Variants in ZNF585B observed in about 807,000 individuals in gnomAD.
The protein encoded by ZNF585B is zinc finger protein 585B.
A neutral mutation model predicts 14.0 loss-of-function variants in ZNF585B; 7 were observed. The ratio of observed to expected loss-of-function variants is 0.50; its 90% CI spans 0.28 to 0.94. ZNF585B has a LOEUF of 0.94. ZNF585B is among the 40% of genes least tolerant of loss of function. The pLI is 0.09. For synonymous variants in ZNF585B, 290 were observed against 317.3 expected (o/e 0.91, Z 0.91); for missense variants, 750 against 924.4 (o/e 0.81, Z 2.45).
intron 4 of ZNF585B, among the ~76,000 whole-genome samples, chr19:37,188,409 C>T (rs942061550): frequency 2.6e-5 from 4 of 152,164 alleles, no homozygotes; most frequent in African/African-American, 9.7e-5. Flanking sequence ...TCGCTTGAAC[C>T]CGGGAGGCGG....
intron 2 of ZNF585B, among the ~76,000 whole-genome samples, chr19:37,205,120 C>T (rs1480797552): frequency 2.0e-5 from 3 of 152,002 alleles, no homozygotes; most frequent in African/African-American, 7.2e-5. Flanking sequence ...CAGGGCTGGT[C>T]TTGAACTTCT....
intron 2 of ZNF585B, among the ~76,000 whole-genome samples, chr19:37,195,345 CAAA>C (rs71177429): frequency 2.8e-4 from 4 of 14,294 alleles, no homozygotes; most frequent in East Asian, 2.5e-3. Context: ...GACTCTGACT[CAAA>C]AAAAAAAAAA....
At chr19:37,200,118 AG>A (rs1972515189) in intron 2 of ZNF585B, among the ~76,000 whole-genome samples, 1 of 146,440 alleles carries the variant, frequency 6.8e-6, no homozygotes, top group Admixed American at 6.7e-5. Context: ...AGGAAGAAAT[AG>A]TGGAAAAACA....
chr19:37,192,809 C>A (rs1238322214), intron 2 of ZNF585B, among the ~76,000 whole-genome samples: 2 of 148,660 alleles, frequency 1.3e-5, no homozygotes, highest in Non-Finnish European at 3.0e-5. Flanking sequence ...GACTCCATCT[C>A]AAAAATAAAT....
At position 37,208,135 on chromosome 19, in the gene ZNF585B, G is replaced by A. The variant is rs979505474; in HGVS notation, c.-143-881C>T. On this transcript the variant is annotated intron_variant, in intron 1 of 4. Coordinates refer to ENST00000532828, the MANE Select transcript of ZNF585B (RefSeq NM_152279.4). ...CTACAGGCATGCGACACCACGCCCAGCTAATTTTTGTATTTTTAGTAGAGT... is the reference window on the plus strand; with the variant it reads ...CTACAGGCATGCGACACCACGCCCAACTAATTTTTGTATTTTTAGTAGAGT... Among the ~76,000 whole-genome samples the A allele has an allele frequency of 5.3e-5, 8 of 152,222 alleles. 1 individual carries two copies. In the South Asian group the frequency reaches 1.2e-3, roughly 24 times the overall value.
chr19:37,207,102 T>C lies in ZNF585B; in HGVS notation c.10A>G (p.Ser4Gly). The C allele has an allele frequency of 6.2e-7, 1 of 1,614,148 alleles. No homozygotes were observed. The highest frequency in any genetic ancestry group is 8.5e-7 in the Non-Finnish European group (1 of 1,180,000). The change falls in exon 2 of 5, where the codon AGT becomes GGT. Residue 4 changes from serine (S) to glycine (G), a missense_variant. By Grantham distance (56) the Ser-to-Gly change is moderately conservative. Around this residue, in one of 2 missense-constraint regions of ZNF585B, gnomAD observed 517 missense variants for 570.3 expected, o/e 0.91. Transcript: ENST00000532828. MPA[S>G]WTSPQKSSAL... The stretch of plus-strand genomic sequence containing the variant: ...GAGGATTTCTGGGGTGAGGTCCAAC[T>C]AGCTGGCATGGCCACACTGGATCTC...
At chr19:37,196,478 C>A (rs1179287108) in intron 2 of ZNF585B, among the ~76,000 whole-genome samples, 1 of 152,174 alleles carries the variant, frequency 6.6e-6, no homozygotes, top group African/African-American at 2.4e-5. Context: ...TACAGTTCAC[C>A]TTTGAACCAC....
intron 4 of ZNF585B, 95 bp downstream of exon 4, chr19:37,189,566 A>T: frequency 7.1e-7 from 1 of 1,403,306 alleles, no homozygotes; most frequent in Non-Finnish European, 1.0e-6. Context: ...GAGTGGTCTT[A>T]ATAGCACTTC....
intron 2 of ZNF585B, among the ~76,000 whole-genome samples, chr19:37,202,230 C>T (rs1481467446): frequency 6.6e-6 from 1 of 152,028 alleles, no homozygotes; most frequent in Non-Finnish European, 1.5e-5. Context: ...CTCAAACTCC[C>T]GACCTCAGGT....
At chr19:37,191,616 T>TAA (rs765780103) in intron 2 of ZNF585B, among the ~76,000 whole-genome samples, 2 of 133,870 alleles carry the variant, frequency 1.5e-5, no homozygotes, top group Admixed American at 7.6e-5. Context: ...AGACTCTGTC[T>TAA]AAAAAAAAAA....
At chr19:37,198,867 T>C (rs1972501259) in intron 2 of ZNF585B, 3 of 828,492 alleles carry the variant, frequency 3.6e-6, no homozygotes, top group Non-Finnish European at 5.4e-6. Flanking sequence ...AGCATGCAGA[T>C]GGAAGTGGAA....
At position 37,186,272 on chromosome 19, in the gene ZNF585B, T is replaced by C; in HGVS notation, c.1265A>G (p.Lys422Arg). 1.2e-6 allele frequency: 2 copies of C among 1,614,132 alleles called. No individual in the cohort carries two copies. Among genetic ancestry groups the C allele is most frequent in the Non-Finnish European group, 1.7e-6 (2 of 1,179,974 alleles). The change falls in exon 5 of 5, where the codon AAG (lysine) becomes AGG (arginine). Residue 422 changes from lysine (K) to arginine (R), a missense_variant. Around this residue, in one of 2 missense-constraint regions of ZNF585B, gnomAD observed 517 missense variants for 570.3 expected, o/e 0.91. Transcript: ENST00000532828. ...CMKCGLAFIR[K>R]AHLITHQIIH... ...TATTTGATGTGTAATCAAGTGTGCC[T>C]TCCGGATGAAGGCCAGTCCACATTT...
chr19:37,205,761 A>G (rs568904567), intron 2 of ZNF585B, among the ~76,000 whole-genome samples: 1 of 152,240 alleles, frequency 6.6e-6, no homozygotes, highest in African/African-American at 2.4e-5. Flanking sequence ...AATTATCACA[A>G]TATCTTCAGA....
chr19:37,189,653 T>C lies in ZNF585B; in HGVS notation c.292+8A>G. ...TAACCTGAGTCACATTCACCTCACT[T>C]CACTCACCTGGGCAGCTGTGACGTG... On this transcript the variant is annotated splice_region_variant and intron_variant, in intron 4 of 4. Coordinates refer to ENST00000532828, the MANE Select transcript of ZNF585B (RefSeq NM_152279.4). 6.2e-7 allele frequency: 1 copy of C among 1,612,608 alleles called. No homozygotes were observed. Among genetic ancestry groups the C allele is most frequent in the Non-Finnish European group, 8.5e-7 (1 of 1,179,970 alleles).
intron 2 of ZNF585B, among the ~76,000 whole-genome samples, chr19:37,202,640 G>C (rs1664694): frequency 5.8e-5 from 8 of 137,772 alleles, no homozygotes; most frequent in African/African-American, 2.1e-4. Context: ...TATTTGCATG[G>C]TTTTTTTTTT....
intron 1 of ZNF585B, among the ~76,000 whole-genome samples, chr19:37,208,809 T>A (rs1249378964): frequency 1.3e-5 from 2 of 152,098 alleles, no homozygotes; most frequent in Admixed American, 6.5e-5. Flanking sequence ...CTGGCCAACA[T>A]GGCGAAACGC....
intron 2 of ZNF585B, among the ~76,000 whole-genome samples, chr19:37,195,595 AG>A (rs1461090964): frequency 6.6e-6 from 1 of 152,120 alleles, no homozygotes; most frequent in Non-Finnish European, 1.5e-5. Flanking sequence ...ACACTTATTT[AG>A]ATAAACTAAA....
rs771494702 is a variant in ZNF585B, at chr19:37,189,645, A to G, written c.292+16T>C. On this transcript the variant is annotated intron_variant, in intron 4 of 4. Transcript: ENST00000532828. ...CTCCCATCTAACCTGAGTCACATTC[A>G]CCTCACTTCACTCACCTGGGCAGCT... 4 of 1,612,154 alleles carry G rather than the reference A, an allele frequency of 2.5e-6. No homozygotes were observed. The highest frequency in any genetic ancestry group is 3.4e-6 in the Non-Finnish European group (4 of 1,179,838).
At position 37,198,369 on chromosome 19, in the gene ZNF585B, T is replaced by G. The variant is rs140036797; in HGVS notation, c.73-8219A>C. Among the ~76,000 whole-genome samples, 270 of 151,914 alleles carry G rather than the reference T, an allele frequency of 1.8e-3. 4 individuals are homozygous for G. The highest frequency in any genetic ancestry group is 6.3e-3 in the African/African-American group (263 of 41,504). On this transcript the variant is annotated intron_variant, in intron 2 of 4. Transcript: ENST00000532828. The stretch of plus-strand genomic sequence containing the variant: ...GTATTTTTAGTAGAGACTGGGTTTC[T>G]TCATGTTGGTCAGGCTGGTCTCAAA...
Sources: gnomAD v4.1 joint callset for allele counts (sites outside exome capture counted in the v4.1 genomes callset) on GRCh38, gnomAD v4.1.1 for gene constraint, gnomAD v4.1.1 regional missense constraint, MANE v1.5 for transcripts, NCBI Gene and HGNC (gene_info 2026-07-23, HGNC 2026-07-21) for gene names.